HAUS5: variants seen among roughly 807,000 people sequenced by gnomAD.
The protein encoded by HAUS5 is HAUS augmin like complex subunit 5, also known as HAUS augmin-like complex subunit 5.
In HAUS5, 67 loss-of-function variants were observed where a neutral mutation model predicts 94.1. The ratio of observed to expected loss-of-function variants is 0.71; its 90% CI spans 0.58 to 0.87. The LOEUF is 0.87. Among genes scored for constraint, HAUS5 ranks in the 40% least tolerant of loss-of-function variants. The pLI is 0.00. For missense variants in HAUS5, 739 were observed against 825.6 expected, an observed-to-expected ratio of 0.90 and a Z score of 1.29; for synonymous variants, 339 against 355.4, an observed-to-expected ratio of 0.95 and a Z score of 0.52.
At chr19:35,622,797 G>A (rs1350699378) in intron 18 of HAUS5, 64 bp downstream of exon 18, 1 of 1,605,466 alleles carries the variant, frequency 6.2e-7, no homozygotes, top group African/African-American at 1.3e-5. Context: ...GGGGCCTGAT[G>A]AGAAGGAGCA....
chr19:35,617,075 A>G (rs746005605), intron 6 of HAUS5, 49 bp from the exon 7 acceptor site: 1 of 1,480,582 alleles, frequency 6.8e-7, no homozygotes, highest in Non-Finnish European at 9.4e-7. Flanking sequence ...TGGGGCACAG[A>G]CATCTGTTCT....
At chr19:35,619,167 A>T (rs1406780106) in intron 13 of HAUS5, 118 bp downstream of exon 13, 5 of 1,101,732 alleles carry the variant, frequency 4.5e-6, no homozygotes, top group Non-Finnish European at 6.3e-6. Context: ...GCACTTTGGG[A>T]GGCTGAGGTG....
chr19:35,617,971 G>T (rs960919389), intron 9 of HAUS5, 59 bp downstream of exon 9: 5 of 1,609,080 alleles, frequency 3.1e-6, no homozygotes, highest in Non-Finnish European at 4.3e-6. Context: ...CAAAACTTAG[G>T]GTGCCAGGAC....
intron 14 of HAUS5, 29 bp from the exon 15 acceptor site, chr19:35,619,584 G>GCGCCC: frequency 4.6e-5 from 71 of 1,533,778 alleles, no homozygotes; most frequent in Non-Finnish European, 5.5e-5. Context: ...ATGTTGTGAT[G>GCGCCC]CCCCACCCAC....
At position 35,620,342 on chromosome 19, in the gene HAUS5, C is replaced by T; in HGVS notation, c.1651+15C>T. The stretch of plus-strand genomic sequence containing the variant: ...TCCCACCCAGGGTAGGTCTGCCCTG[C>T]CACCCCATCCAGCCTCCCCGCCCAT... On this transcript the variant is annotated intron_variant, in intron 17 of 18. Transcript: ENST00000203166. 4 of 1,607,810 alleles carry T rather than the reference C, an allele frequency of 2.5e-6. No homozygotes were observed. The highest frequency in any genetic ancestry group is 2.5e-6 in the Non-Finnish European group (3 of 1,176,756).
chr19:35,612,985 C>T (rs1049545458), intron 1 of HAUS5, 93 bp downstream of exon 1: 3 of 903,280 alleles, frequency 3.3e-6, no homozygotes, highest in Non-Finnish European at 4.8e-6. Context: ...TCGACTCCCC[C>T]CAATTCCCCA....
At chr19:35,619,377 G>A (rs2146339212) in intron 13 of HAUS5, 47 bp from the exon 14 acceptor site, 1 of 1,457,802 alleles carries the variant, frequency 6.9e-7, no homozygotes, top group East Asian at 2.3e-5. Context: ...GGCACACTGA[G>A]GCTGGGAGCT....
Position 35,618,744 on chromosome 19 carries a change from G to A in HAUS5, c.1016+45G>A, listed in dbSNP as rs201463461. 1,369 of 1,544,836 alleles carry A rather than the reference G, an allele frequency of 8.9e-4. 4 individuals are homozygous for A. The Middle Eastern group carries it at 0.015, about 17-fold the overall frequency. ...GAGGTCTCTAGGCCATCTCGCTTCT[G>A]AGTGTCTCAGCCCATTGGACTTTTT... On this transcript the variant is annotated intron_variant, in intron 12 of 18. Coordinates refer to ENST00000203166, the MANE Select transcript of HAUS5 (RefSeq NM_015302.2).
intron 17 of HAUS5, among the ~76,000 whole-genome samples, chr19:35,621,389 C>T (rs1967207013): frequency 6.6e-6 from 1 of 152,170 alleles, no homozygotes. Context: ...GTCACTCAGG[C>T]TGGAGTGCAG....
In HAUS5 at chr19:35,618,167, GA is replaced by G; in HGVS notation, c.794del (p.Asp265ValfsTer48). ...AGAGATTCGGTCCCTGTGCAGTGGG[GA>G]TGGGCTTGGCGACACAGAGATATCC... ...EAEIRSLCSG[D>X]GLGDTEISRP... On this transcript the variant is annotated frameshift_variant, in exon 10 of 19. Transcript: ENST00000203166. LOFTEE classifies it high-confidence loss of function. 6.2e-7 allele frequency: 1 copy of G among 1,607,680 alleles called. No homozygotes were observed. Among genetic ancestry groups the G allele is most frequent in the Non-Finnish European group, 8.5e-7 (1 of 1,175,638 alleles).
chr19:35,613,979 T>C, intron 3 of HAUS5, 56 bp from the exon 4 acceptor site: 1 of 1,609,512 alleles, frequency 6.2e-7, no homozygotes, highest in Non-Finnish European at 8.5e-7. Context: ...ATCACACCTA[T>C]TGCCCTCCCC....
chr19:35,613,929 T>C, intron 3 of HAUS5, 29 bp downstream of exon 3: 1 of 1,613,138 alleles, frequency 6.2e-7, no homozygotes. Context: ...TATCCCCTCC[T>C]GTCTTCCCCA....
chr19:35,620,546 A>G (rs560129414), intron 17 of HAUS5, among the ~76,000 whole-genome samples: 2 of 152,352 alleles, frequency 1.3e-5, no homozygotes, highest in African/African-American at 4.8e-5. Context: ...AGAGGTTAGT[A>G]GGTTGCCCAA....
In HAUS5 at chr19:35,620,224, C is replaced by T. The variant is rs770398378; in HGVS notation, c.1548C>T (p.Ala516=). Residue 516 remains alanine, a synonymous_variant, in exon 17 of 19, where the codon GCC becomes GCT. Coordinates refer to ENST00000203166, the MANE Select transcript of HAUS5 (RefSeq NM_015302.2). The stretch of plus-strand genomic sequence containing the variant: ...CGGAGCTGCTCCTGCCGGCGGCTGC[C>T]TCTCTTCGCCAGGACCTTCTGCTCC... ...KASELLLPAA[A]SLRQDLLLLQ... is the part of the protein sequence containing the mutation. 18 of 1,613,750 alleles carry T rather than the reference C, an allele frequency of 1.1e-5. No individual in the cohort carries two copies. Among genetic ancestry groups the T allele is most frequent in the Admixed American group, 1.7e-5 (1 of 59,998 alleles).
At chr19:35,621,805 G>A (rs1006072525) in intron 17 of HAUS5, among the ~76,000 whole-genome samples, 3 of 152,130 alleles carry the variant, frequency 2.0e-5, no homozygotes, top group South Asian at 2.1e-4. Context: ...GACAGCAGAC[G>A]GAGCTGAACA....
chr19:35,615,724 GA>G (rs757678581), intron 6 of HAUS5, among the ~76,000 whole-genome samples: 5 of 152,312 alleles, frequency 3.3e-5, no homozygotes, highest in African/African-American at 7.2e-5. Context: ...GTGCTGTGAA[GA>G]AAAGCCTATC....
intron 6 of HAUS5, among the ~76,000 whole-genome samples, chr19:35,616,530 T>A (rs2071944968): frequency 6.6e-6 from 1 of 152,096 alleles, no homozygotes; most frequent in Non-Finnish European, 1.5e-5. Context: ...TTTGTTTTGT[T>A]TTTTTGAGAC....
Position 35,620,033 on chromosome 19 carries a change from C to T in HAUS5, c.1428C>T (p.Val476=). 1 of 1,613,428 alleles carries T rather than the reference C, an allele frequency of 6.2e-7. No individual in the cohort carries two copies. The highest frequency in any genetic ancestry group is 8.5e-7 in the Non-Finnish European group (1 of 1,179,658). The change falls in exon 16 of 19, where the codon GTC becomes GTT. Residue 476 remains valine, a synonymous_variant. Transcript: ENST00000203166. ...RPGELKPLPT[V]LPSIHQLHPA... ...GTAGGTTGAAGCCCCTGCCCACGGT[C>T]CTCCCATCCATCCACCAGCTGCACC...
intron 1 of HAUS5, among the ~76,000 whole-genome samples, chr19:35,613,389 A>G (rs1010480133): frequency 7.2e-5 from 11 of 151,928 alleles, no homozygotes; most frequent in Non-Finnish European, 1.6e-4. Flanking sequence ...GAATAACACC[A>G]CACTTAGTGC....
Sources: gnomAD v4.1 joint callset for allele counts (sites outside exome capture counted in the v4.1 genomes callset) on GRCh38, gnomAD v4.1.1 for gene constraint, MANE v1.5 for transcripts, NCBI Gene and HGNC (gene_info 2026-07-23, HGNC 2026-07-21) for gene names.